The following GOLGA5 variants were observed in gnomAD, a reference collection of about 807,000 sequenced individuals.
GOLGA5 encodes the protein golgin A5, also known as golgin subfamily A member 5.
Under a neutral mutation model 93.5 loss-of-function variants are expected in GOLGA5, and 50 were observed. The observed-to-expected ratio is 0.53, with a 90% CI of 0.43 to 0.68. The LOEUF (loss-of-function observed/expected upper bound fraction) is 0.68, where lower values mean the gene tolerates loss of function less well. Ranked by LOEUF, GOLGA5 falls within the 30% of genes least tolerant of loss-of-function variation. GOLGA5 has a pLI of 0.00. For synonymous variants in GOLGA5, 312 were observed against 304.5 expected (o/e 1.02, Z -0.26); for missense variants, 760 against 856.4 (o/e 0.89, Z 1.40).
In GOLGA5 at chr14:92,824,703, A is replaced by T. The variant is rs528525016; in HGVS notation, c.1719+59A>T. 8 of 875,844 alleles carry T rather than the reference A, an allele frequency of 9.1e-6. No homozygotes were observed. In the Admixed American group the frequency reaches 1.6e-4, roughly 18 times the overall value. The allele number at this position is 875,844 out of a possible 1,614,324, so 54.3% of individuals were successfully genotyped here. A position where few individuals can be genotyped will look rare whatever the true frequency, so the allele number is the denominator to read the frequency against. On this transcript the variant is annotated intron_variant, in intron 9 of 12. Coordinates refer to ENST00000163416, the MANE Select transcript of GOLGA5 (RefSeq NM_005113.4). ...GCCACTGATAAAGCTACATTTTTTT[A>T]AAAAGGACACAGTAAGAACTTTCCC...
At chr14:92,826,262 A>G (rs1885419175) in intron 9 of GOLGA5, among the ~76,000 whole-genome samples, 1 of 150,456 alleles carries the variant, frequency 6.6e-6, no homozygotes, top group Non-Finnish European at 1.5e-5. Context: ...GTACAATCTG[A>G]AAAGAGATCA....
intron 8 of GOLGA5, among the ~76,000 whole-genome samples, chr14:92,820,085 G>A (rs956313393): frequency 1.3e-5 from 2 of 152,182 alleles, no homozygotes; most frequent in South Asian, 2.1e-4. Flanking sequence ...AGAAAGAACA[G>A]TGGGCCCAGG....
At chr14:92,837,854 G>C (rs543928009) in intron 12 of GOLGA5, among the ~76,000 whole-genome samples, 1 of 152,106 alleles carries the variant, frequency 6.6e-6, no homozygotes. Context: ...ATGCGCCAAC[G>C]CACCCAGCCA....
rs1456182067 is a variant in GOLGA5 at position 92,819,833 on chromosome 14, G to A, written c.1617G>A (p.Lys539=). The A allele has an allele frequency of 2.5e-6, 4 of 1,613,678 alleles. No individual in the cohort carries two copies. Among genetic ancestry groups the A allele is most frequent in the Non-Finnish European group, 3.4e-6 (4 of 1,179,828 alleles). ...TAGAGACAGAACTGGAGCGACTGAA[G>A]CAGGTCAGGATTTGAGATTGATGAC... ...QELETELERL[K]QEFHYIEEDL... The change falls in exon 8 of 13, where the codon AAG becomes AAA. Residue 539 remains lysine (K), a synonymous_variant. Transcript: ENST00000163416.
chr14:92,812,801 C>G (rs1157516899), intron 6 of GOLGA5, among the ~76,000 whole-genome samples: 1 of 152,130 alleles, frequency 6.6e-6, no homozygotes. Flanking sequence ...GGCGCTCTTC[C>G]CAATCTCCAA....
At chr14:92,831,447 G>A (rs1442600037) in intron 9 of GOLGA5, among the ~76,000 whole-genome samples, 1 of 151,982 alleles carries the variant, frequency 6.6e-6, no homozygotes, top group African/African-American at 2.4e-5. Flanking sequence ...ATGTGCAAAA[G>A]GATTCATACT....
intron 7 of GOLGA5, among the ~76,000 whole-genome samples, chr14:92,816,663 GCAGTCTTCCCGCCT>G (rs1368835476): frequency 6.6e-6 from 1 of 152,116 alleles, no homozygotes; most frequent in Non-Finnish European, 1.5e-5. Context: ...CTGGGCTCAA[GCAGTCTTCCCGCCT>G]CAGGCTCCCA....
intron 3 of GOLGA5, 66 bp from the exon 4 acceptor site, chr14:92,809,234 C>T (rs1160203827): frequency 9.5e-7 from 1 of 1,053,216 alleles, no homozygotes; most frequent in Non-Finnish European, 1.4e-6. Context: ...AAAGTAGAAA[C>T]TGTACGTGCT....
intron 9 of GOLGA5, among the ~76,000 whole-genome samples, chr14:92,825,641 G>A (rs1198921900): frequency 2.0e-5 from 3 of 152,116 alleles, no homozygotes; most frequent in East Asian, 1.9e-4. Flanking sequence ...CAGGAGGACC[G>A]CTTCAGCTCA....
In GOLGA5 at chr14:92,797,589, A is replaced by G. The variant is rs776576975; in HGVS notation, c.152A>G (p.Asp51Gly). Residue 51 changes from aspartate (D) to glycine (G), a missense_variant, in exon 2 of 13, where the codon GAT becomes GGT. Transcript: ENST00000163416. Reference protein sequence around the residue: ...DYTELHQQNTDLIYQTGPKST... With the variant: ...DYTELHQQNTGLIYQTGPKST... Reference sequence around the variant, plus strand: ...ACTGAACTTCACCAGCAAAATACAGATTTGATATATCAGACTGGACCTAAA... The same window carrying G: ...ACTGAACTTCACCAGCAAAATACAGGTTTGATATATCAGACTGGACCTAAA... The G allele has an allele frequency of 1.2e-5, 19 of 1,613,704 alleles. No homozygotes were observed. The highest frequency in any genetic ancestry group is 3.3e-4 in the Middle Eastern group (2 of 6,084).
chr14:92,803,934 A>G (rs1338041515), intron 2 of GOLGA5, among the ~76,000 whole-genome samples: 1 of 152,190 alleles, frequency 6.6e-6, no homozygotes, highest in Non-Finnish European at 1.5e-5. Context: ...TGTACATTTT[A>G]AAATTTGATG....
rs1040318356 is a variant in GOLGA5 at position 92,822,818 on chromosome 14, G to T, written c.1621-1728G>T. Among the ~76,000 whole-genome samples the T allele has an allele frequency of 2.0e-5, 3 of 152,004 alleles. No individual in the cohort carries two copies. In the East Asian group the frequency reaches 5.8e-4, roughly 29 times the overall value. On this transcript the variant is annotated intron_variant, in intron 8 of 12. Coordinates refer to ENST00000163416, the MANE Select transcript of GOLGA5 (RefSeq NM_005113.4). ...ATTACAGACGTTCACCACTATGGCT[G>T]GCTAATTTTTGTATTTTTAGTAGAG... is the stretch of plus-strand genomic sequence containing the variant.
Position 92,824,075 on chromosome 14 carries a change from T to G in GOLGA5, c.1621-471T>G, listed in dbSNP as rs80234276. Among the ~76,000 whole-genome samples the G allele has an allele frequency of 2.0e-3, 300 of 152,292 alleles. 10 individuals carry two copies. The East Asian group carries it at 0.046, about 23-fold the overall frequency. On this transcript the variant is annotated intron_variant, in intron 8 of 12. Coordinates refer to ENST00000163416, the MANE Select transcript of GOLGA5 (RefSeq NM_005113.4). Reference sequence around the variant, plus strand: ...TTTTATATTCTGCCACCTTACTGAATTATTGTTTTTCTTTGTCTCATGTAC... The same window carrying G: ...TTTTATATTCTGCCACCTTACTGAAGTATTGTTTTTCTTTGTCTCATGTAC...
chr14:92,808,240 C>A (rs755579525), intron 3 of GOLGA5, among the ~76,000 whole-genome samples: 1 of 151,806 alleles, frequency 6.6e-6, no homozygotes, highest in Non-Finnish European at 1.5e-5. Context: ...GAGCGAGACT[C>A]GTCTCAACAA....
intron 12 of GOLGA5, among the ~76,000 whole-genome samples, chr14:92,837,865 G>A (rs1885679473): frequency 6.6e-6 from 1 of 152,150 alleles, no homozygotes; most frequent in Admixed American, 6.6e-5. Flanking sequence ...CACCCAGCCA[G>A]CAGACAGTTT....
rs907366861 is a variant in GOLGA5 at position 92,837,536 on chromosome 14, T to C, written c.2115+87T>C. The C allele has an allele frequency of 1.3e-5, 9 of 707,796 alleles. No individual in the cohort carries two copies. In the South Asian group the frequency reaches 1.5e-4, roughly 11 times the overall value. The allele number at this position is 707,796 out of a possible 1,614,324, so 43.8% of individuals were successfully genotyped here. On this transcript the variant is annotated intron_variant, in intron 12 of 12. Coordinates refer to ENST00000163416, the MANE Select transcript of GOLGA5 (RefSeq NM_005113.4). ...TTTGTTTGTTTGTTTTGGCTACAGA[T>C]CTTATTGATATTTTAGCAATCAATC...
intron 1 of GOLGA5, among the ~76,000 whole-genome samples, chr14:92,795,187 G>A (rs764012118): frequency 8.5e-5 from 13 of 152,086 alleles, no homozygotes; most frequent in African/African-American, 7.2e-5. Flanking sequence ...GGTCCTCCCC[G>A]CTCGGCCTCC....
intron 2 of GOLGA5, among the ~76,000 whole-genome samples, chr14:92,805,173 ACCCCGT>A (rs201973268): frequency 3.2e-3 from 483 of 151,424 alleles, no homozygotes; most frequent in Middle Eastern, 0.014. Context: ...TAATCTCCTC[ACCCCGT>A]CCCTGAAAGC....
chr14:92,813,128 C>T (rs921536640), intron 6 of GOLGA5, among the ~76,000 whole-genome samples: 2 of 152,092 alleles, frequency 1.3e-5, no homozygotes, highest in African/African-American at 4.8e-5. Context: ...CTATGAATAC[C>T]TTTTTTTAAT....
Sources: gnomAD v4.1 joint callset for allele counts (sites outside exome capture counted in the v4.1 genomes callset) on GRCh38, gnomAD v4.1.1 for gene constraint, MANE v1.5 for transcripts, NCBI Gene and HGNC (gene_info 2026-07-23, HGNC 2026-07-21) for gene names.